Variants in ALOXE3 observed in about 807,000 individuals in gnomAD.
ALOXE3 encodes the protein hydroperoxide isomerase ALOXE3.
ALOXE3 carries 78 observed loss-of-function variants against 87.5 expected under a neutral mutation model. The observed-to-expected ratio is 0.89, with a 90% CI of 0.74 to 1.08. The LOEUF (loss-of-function observed/expected upper bound fraction) is 1.08, where lower values mean the gene tolerates loss of function less well. Among genes scored for constraint, ALOXE3 ranks in the 50% least tolerant of loss-of-function variants. The probability of loss-of-function intolerance (pLI) is 0.00; values close to 1 mark genes in which losing one functional copy is unlikely to be tolerated. For missense variants in ALOXE3, 946 were observed against 912.4 expected (o/e 1.04, Z -0.47); for synonymous variants, 363 against 370.8 (o/e 0.98, Z 0.24).
At chr17:8,098,084 T>C (rs921522747) in intron 15 of ALOXE3, among the ~76,000 whole-genome samples, 2 of 152,152 alleles carry the variant, frequency 1.3e-5, no homozygotes, top group African/African-American at 2.4e-5. Context: ...TTTCTCGTTT[T>C]GTTGCATTGG....
intron 13 of ALOXE3, among the ~76,000 whole-genome samples, chr17:8,106,337 T>C (rs1469696123): frequency 1.3e-5 from 2 of 151,986 alleles, no homozygotes; most frequent in Non-Finnish European, 2.9e-5. Context: ...TGGGAGTGTG[T>C]GGGAGTTTTC....
chr17:8,102,406 T>C (rs1978978602), intron 15 of ALOXE3, among the ~76,000 whole-genome samples: 1 of 152,000 alleles, frequency 6.6e-6, no homozygotes, highest in South Asian at 2.1e-4. Context: ...GGCAGGAGAA[T>C]CGCTTAAACC....
At position 8,117,941 on chromosome 17, in the gene ALOXE3, C is replaced by T; in HGVS notation, c.50G>A (p.Gly17Asp). The T allele has an allele frequency of 6.2e-7, 1 of 1,611,610 alleles. No individual in the cohort carries two copies. The highest frequency in any genetic ancestry group is 1.3e-5 in the African/African-American group (1 of 74,988). Residue 17 changes from glycine to aspartate, a missense_variant, in exon 2 of 16, where the codon GGC (glycine) becomes GAC (aspartate). Coordinates refer to ENST00000448843, the MANE Select transcript of ALOXE3 (RefSeq NM_021628.3). The stretch of plus-strand genomic sequence containing the variant: ...TGTGACAGAGATGTTGTCCAGTGTG[C>T]CGGCCCTCAGGTAGGGACCAGTGGT... Reference protein sequence around the residue: ...CVTTGPYLRAGTLDNISVTLV... With the variant: ...CVTTGPYLRADTLDNISVTLV...
intron 13 of ALOXE3, among the ~76,000 whole-genome samples, chr17:8,107,743 G>C (rs1472288298): frequency 6.7e-6 from 1 of 148,682 alleles, no homozygotes; most frequent in Admixed American, 6.8e-5. Flanking sequence ...AGCTTGCAGT[G>C]AGCAGAGATC....
intron 2 of ALOXE3, 64 bp downstream of exon 2, chr17:8,117,780 T>C: frequency 6.4e-7 from 1 of 1,568,958 alleles, no homozygotes; most frequent in Non-Finnish European, 8.6e-7. Context: ...CCAGGAGGAA[T>C]ACTCCTCCCG....
intron 12 of ALOXE3, among the ~76,000 whole-genome samples, chr17:8,108,860 C>G (rs1416953697): frequency 6.6e-6 from 1 of 152,102 alleles, no homozygotes; most frequent in East Asian, 1.9e-4. Context: ...TGCCACCCCC[C>G]TCCCCACCCA....
At chr17:8,103,670 GGGTA>G (rs1166151417) in intron 14 of ALOXE3, among the ~76,000 whole-genome samples, 177 bp from the exon 15 acceptor site, 2 of 152,098 alleles carry the variant, frequency 1.3e-5, no homozygotes, top group Non-Finnish European at 2.9e-5. Flanking sequence ...AGAGAGGAAA[GGGTA>G]GGGAGTGGAA....
rs1233753804 is a variant in ALOXE3 at position 8,111,412 on chromosome 17, C to G, written c.904G>C (p.Asp302His). The change falls in exon 8 of 16, where the codon GAC (aspartate) becomes CAC (histidine). Residue 302 changes from aspartate to histidine, a missense_variant. Coordinates refer to ENST00000448843, the MANE Select transcript of ALOXE3 (RefSeq NM_021628.3). Reference sequence around the variant, plus strand: ...TGTCCCAGCAAGGGGGCCACCATGTCATTGGTGACAGGCAGCTTGCTGGGC... The same window carrying G: ...TGTCCCAGCAAGGGGGCCACCATGTGATTGGTGACAGGCAGCTTGCTGGGC... The part of the protein sequence containing the change: ...SLPSKLPVTN[D>H]MVAPLLGQDT... The G allele has an allele frequency of 6.2e-7, 1 of 1,614,070 alleles. No homozygotes were observed. The highest frequency in any genetic ancestry group is 1.7e-5 in the Admixed American group (1 of 60,028).
chr17:8,111,779 G>GTA (rs1980112980), intron 7 of ALOXE3, among the ~76,000 whole-genome samples: 1 of 152,240 alleles, frequency 6.6e-6, no homozygotes, highest in East Asian at 1.9e-4. Flanking sequence ...GGAGCACTTG[G>GTA]TGGTTGGAGT....
rs370665382 is a variant in ALOXE3, at chr17:8,109,155, C to T, written c.1562+19G>A. 9.9e-6 allele frequency: 16 copies of T among 1,611,622 alleles called. No homozygotes were observed. The African/African-American group carries it at 1.2e-4, about 12-fold the overall frequency. ...AGGAGACCCTGGTGGGACTGCTGGT[C>T]CCGCCCCGCACCTCGCACCTCTCAA... is the stretch of plus-strand genomic sequence containing the variant. On this transcript the variant is annotated intron_variant, in intron 12 of 15. Transcript: ENST00000448843.
chr17:8,109,876 T>A (rs1286390318), intron 11 of ALOXE3, 40 bp downstream of exon 11: 6 of 1,533,752 alleles, frequency 3.9e-6, no homozygotes, highest in Non-Finnish European at 5.3e-6. Flanking sequence ...GCAAAGCGTC[T>A]TCGGGGGCGG....
At chr17:8,109,813 G>C (rs1979865628) in intron 11 of ALOXE3, 103 bp downstream of exon 11, 8 of 1,204,254 alleles carry the variant, frequency 6.6e-6, no homozygotes, top group Non-Finnish European at 9.3e-6. Context: ...CACACCCCAG[G>C]TGTCCTCACA....
chr17:8,106,606 T>G (rs377392042), intron 13 of ALOXE3, among the ~76,000 whole-genome samples: 23 of 152,254 alleles, frequency 1.5e-4, no homozygotes, highest in African/African-American at 5.3e-4. Flanking sequence ...ATTGCCTATT[T>G]TTCCCCCATT....
At position 8,118,496 on chromosome 17, in the gene ALOXE3, A is replaced by ACGTGTGAATCATC; in HGVS notation, c.-337_-325dup. 1 of 1,542,728 alleles carries ACGTGTGAATCATC rather than the reference A, an allele frequency of 6.5e-7. No individual in the cohort carries two copies. The highest frequency in any genetic ancestry group is 8.7e-7 in the Non-Finnish European group (1 of 1,144,986). On this transcript the variant is annotated 5_prime_UTR_variant, in exon 1 of 16. It adds an upstream start codon to the 5' untranslated region. Transcript: ENST00000448843. ...ATGAGCACAGGGCACCTGCATTCCT[A>ACGTGTGAATCATC]CGTGTGAATCATCCGTGTGAATCAC...
intron 6 of ALOXE3, among the ~76,000 whole-genome samples, chr17:8,112,423 A>T (rs1980176898): frequency 6.6e-6 from 1 of 152,160 alleles, no homozygotes; most frequent in Non-Finnish European, 1.5e-5. Flanking sequence ...CTTGCACATA[A>T]AGTTGGCACA....
At chr17:8,118,749 C>A (rs1598222615), upstream of ALOXE3, 1 of 1,537,334 alleles carries the variant, frequency 6.5e-7, no homozygotes, top group Non-Finnish European at 8.7e-7. Context: ...ACAGCGCCGG[C>A]AAACAGGGTC....
At chr17:8,107,166 A>G (rs2151834157) in intron 13 of ALOXE3, among the ~76,000 whole-genome samples, 1 of 152,302 alleles carries the variant, frequency 6.6e-6, no homozygotes, top group Non-Finnish European at 1.5e-5. Context: ...AGCTGTCAGG[A>G]TCAGCACTGA....
intron 5 of ALOXE3, 121 bp from the exon 6 acceptor site, chr17:8,114,730 C>T: frequency 6.6e-7 from 1 of 1,509,488 alleles, no homozygotes; most frequent in Non-Finnish European, 9.1e-7. Context: ...CCGGCTCCTC[C>T]CCTGCCCTCT....
chr17:8,098,166 C>T lies in ALOXE3; in HGVS notation c.1957-1360G>A, dbSNP rs114371112. Among the ~76,000 whole-genome samples, 980 of 149,300 alleles carry T rather than the reference C, an allele frequency of 6.6e-3. 12 individuals carry two copies. The highest frequency in any genetic ancestry group is 0.022 in the African/African-American group (900 of 40,720). ...TTGGGCATTATTTTCTTATCTCTGA[C>T]TTTAATGAATAGACATCTATGGTCT... On this transcript the variant is annotated intron_variant, in intron 15 of 15. Coordinates refer to ENST00000448843, the MANE Select transcript of ALOXE3 (RefSeq NM_021628.3).
Sources: allele counts gnomAD v4.1 joint callset (sites outside exome capture counted in the v4.1 genomes callset), GRCh38; gene constraint gnomAD v4.1.1; transcripts MANE v1.5; gene names NCBI Gene and HGNC (gene_info 2026-07-23, HGNC 2026-07-21).